MGAM: variants seen among roughly 807,000 people sequenced by gnomAD.
MGAM encodes alpha-1,4-glucosidase.
MGAM carries 253 observed loss-of-function variants against 358.8 expected under a neutral mutation model. The observed-to-expected ratio is 0.71, with a 90% CI of 0.64 to 0.78. The LOEUF is 0.78. Ranked by LOEUF, MGAM falls within the 30% of genes least tolerant of loss-of-function variation. MGAM has a pLI of 0.00. For missense variants in MGAM, 3,080 were observed against 3,432.6 expected, an observed-to-expected ratio of 0.90 and a Z score of 2.57; for synonymous variants, 1,105 against 1,227.1, an observed-to-expected ratio of 0.90 and a Z score of 2.08.
At chr7:142,074,391 C>T (rs1017197899) in intron 45 of MGAM, among the ~76,000 whole-genome samples, 8 of 143,122 alleles carry the variant, frequency 5.6e-5, no homozygotes, top group African/African-American at 1.5e-4. Flanking sequence ...TTCTCCCATT[C>T]GCCAGTGATA....
rs371378447 is a variant in MGAM at position 142,032,033 on chromosome 7, CTTTTTT to C, written c.1584+256_1584+261del. ...AGAATTTTTTTTCCCAAGTCTAGCT[CTTTTTT>C]TTTTTTTTTTTTTTTACGAAGGAAT... is the stretch of plus-strand genomic sequence containing the variant. On this transcript the variant is annotated intron_variant, in intron 13 of 70. Coordinates refer to ENST00000475668, the MANE Select transcript of MGAM (RefSeq NM_001365693.1). 8.2e-5 allele frequency among the ~76,000 whole-genome samples: 10 copies of C among 122,326 alleles called. No individual in the cohort carries two copies. The South Asian group carries it at 2.5e-3, about 30-fold the overall frequency. The allele number at this position is 122,326 out of a possible 152,430, so 80.3% of individuals were successfully genotyped here. A position where few individuals can be genotyped will look rare whatever the true frequency, so the allele number is the denominator to read the frequency against.
At chr7:142,080,413 T>C (rs1415570561) in intron 49 of MGAM, among the ~76,000 whole-genome samples, 1 of 146,564 alleles carries the variant, frequency 6.8e-6, no homozygotes, top group African/African-American at 2.4e-5. Flanking sequence ...TTTAATCAAA[T>C]AGATTTCACT....
rs1340116053 is a variant in MGAM, at chr7:142,059,550, G to C, written c.3898G>C (p.Ala1300Pro). Residue 1300 changes from alanine to proline, a missense_variant, in exon 32 of 71, where the codon GCT becomes CCT. By Grantham distance (27) the Ala-to-Pro change is conservative (BLOSUM62 -1). Coordinates refer to ENST00000475668, the MANE Select transcript of MGAM (RefSeq NM_001365693.1). ...CAGCCCCAAGTTTGCTGGGTTTCCA[G>C]CTCTGATCAATCGCATGAAGGCTGA... Reference protein sequence around the residue: ...TLSPKFAGFPALINRMKADGM... With the variant: ...TLSPKFAGFPPLINRMKADGM... 6.2e-7 allele frequency: 1 copy of C among 1,612,996 alleles called. No homozygotes were observed. The highest frequency in any genetic ancestry group is 8.5e-7 in the Non-Finnish European group (1 of 1,179,184).
chr7:141,992,920 G>A (rs781800055), upstream of MGAM, among the ~76,000 whole-genome samples: 1 of 152,164 alleles, frequency 6.6e-6, no homozygotes, highest in Non-Finnish European at 1.5e-5. Flanking sequence ...ATGCATGCCA[G>A]TTTTCCTTTC....
Position 142,064,491 on chromosome 7 carries a change from T to A in MGAM, c.4453T>A (p.Tyr1485Asn). The A allele has an allele frequency of 6.3e-7, 1 of 1,581,040 alleles. No individual in the cohort carries two copies. Among genetic ancestry groups the A allele is most frequent in the Non-Finnish European group, 8.6e-7 (1 of 1,163,398 alleles). The change falls in exon 37 of 71, where the codon TAT becomes AAT. Residue 1485 changes from tyrosine (Y) to asparagine (N), a missense_variant. By Grantham distance (143) the Tyr-to-Asn change is moderately radical. Around this residue, in one of 5 missense-constraint regions of MGAM, gnomAD observed 1,816 missense variants for 1,840.5 expected, o/e 0.99. Transcript: ENST00000475668. The part of the protein sequence containing the change: ...LVQHYNVHNL[Y>N]GWSQTRPTYE... ...GCAGCACTACAACGTGCACAACCTGTATGGGTGGTCCCAGACCAGACCCAC... is the reference window on the plus strand; with the variant it reads ...GCAGCACTACAACGTGCACAACCTGAATGGGTGGTCCCAGACCAGACCCAC...
chr7:142,014,047 A>G (rs1805791910), intron 3 of MGAM, among the ~76,000 whole-genome samples: 1 of 152,216 alleles, frequency 6.6e-6, no homozygotes, highest in Admixed American at 6.5e-5. Flanking sequence ...CAGTTTTCCA[A>G]CATTGTTCTG....
intron 49 of MGAM, among the ~76,000 whole-genome samples, chr7:142,080,296 C>T (rs1409012023): frequency 6.8e-6 from 1 of 146,230 alleles, no homozygotes; most frequent in African/African-American, 2.4e-5. Context: ...CATAACACTG[C>T]CTTATTGAGC....
chr7:142,058,162 G>A (rs1200985551), intron 30 of MGAM, 41 bp from the exon 31 acceptor site: 2 of 1,612,374 alleles, frequency 1.2e-6, no homozygotes, highest in Non-Finnish European at 8.5e-7. Flanking sequence ...TCAATGTGGT[G>A]CCTCTGTTCT....
chr7:142,096,257 C>T (rs1301737389), intron 64 of MGAM, 74 bp from the exon 65 acceptor site: 2 of 1,355,156 alleles, frequency 1.5e-6, no homozygotes, highest in African/African-American at 2.8e-5. Flanking sequence ...TGGATCTGAA[C>T]TTGAGGAGCT....
chr7:142,050,762 G>A lies in MGAM; in HGVS notation c.2703G>A (p.Glu901=). 1.2e-6 allele frequency: 2 copies of A among 1,613,750 alleles called. No individual in the cohort carries two copies. Among genetic ancestry groups the A allele is most frequent in the South Asian group, 2.2e-5 (2 of 91,074 alleles). Residue 901 remains glutamate, a synonymous_variant, in exon 24 of 71, where the codon GAG becomes GAA. Coordinates refer to ENST00000475668, the MANE Select transcript of MGAM (RefSeq NM_001365693.1). ...ACCCCAATAATTTAGCATTTAATGAGATTAAAATTCTTGGGACGGAGGAAC... is the reference window on the plus strand; with the variant it reads ...ACCCCAATAATTTAGCATTTAATGAAATTAAAATTCTTGGGACGGAGGAAC... ...YKDPNNLAFN[E]IKILGTEEPS...
At chr7:142,028,748 A>G (rs961970951) in intron 10 of MGAM, among the ~76,000 whole-genome samples, 2 of 152,140 alleles carry the variant, frequency 1.3e-5, no homozygotes, top group Non-Finnish European at 2.9e-5. Flanking sequence ...TGGAATTGAG[A>G]TTCAAAAAGC....
Position 142,074,869 on chromosome 7 carries a change from T to G in MGAM, c.5275+696T>G, listed in dbSNP as rs370390914. On this transcript the variant is annotated intron_variant, in intron 45 of 70. Coordinates refer to ENST00000475668, the MANE Select transcript of MGAM (RefSeq NM_001365693.1). Reference sequence around the variant, plus strand: ...GTGGACGATGTGAGGATTTAATATATGTAGGCATAGTATAATGATTACCAC... The same window carrying G: ...GTGGACGATGTGAGGATTTAATATAGGTAGGCATAGTATAATGATTACCAC... Among the ~76,000 whole-genome samples, 15 of 146,736 alleles carry G rather than the reference T, an allele frequency of 1.0e-4. 2 individuals carry two copies. In the South Asian group the frequency reaches 2.6e-3, roughly 26 times the overall value.
chr7:142,060,586 G>A (rs1423370997), intron 34 of MGAM, among the ~76,000 whole-genome samples: 1 of 152,212 alleles, frequency 6.6e-6, no homozygotes, highest in East Asian at 1.9e-4. Flanking sequence ...TATTATCCTT[G>A]GAATTTAAGA....
chr7:142,013,175 T>G (rs1286640344), intron 3 of MGAM, among the ~76,000 whole-genome samples: 4 of 152,022 alleles, frequency 2.6e-5, no homozygotes, highest in African/African-American at 9.7e-5. Flanking sequence ...GTGAAGGCTG[T>G]GGTGACCTGG....
At chr7:142,049,898 A>G (rs1810773336) in intron 22 of MGAM, among the ~76,000 whole-genome samples, 1 of 152,330 alleles carries the variant, frequency 6.6e-6, no homozygotes, top group East Asian at 1.9e-4. Flanking sequence ...ATGTTCCTCA[A>G]AAAATTAACA....
At chr7:142,061,813 G>T (rs1287721471) in intron 34 of MGAM, among the ~76,000 whole-genome samples, 1 of 152,148 alleles carries the variant, frequency 6.6e-6, no homozygotes, top group Admixed American at 6.5e-5. Context: ...TAAACACTGA[G>T]TATGTATTTT....
intron 7 of MGAM, among the ~76,000 whole-genome samples, chr7:142,024,638 T>G (rs1355033249): frequency 6.6e-6 from 1 of 152,012 alleles, no homozygotes; most frequent in Non-Finnish European, 1.5e-5. Flanking sequence ...TGTTCTGGAG[T>G]CTCAAAGACA....
At chr7:141,992,160 C>T (rs1332158402), upstream of MGAM, among the ~76,000 whole-genome samples, 1 of 152,150 alleles carries the variant, frequency 6.6e-6, no homozygotes, top group Non-Finnish European at 1.5e-5. Flanking sequence ...GTAACTGACA[C>T]TTACTGAGTA....
At chr7:142,040,957 C>T (rs193206215) in intron 21 of MGAM, 111 bp downstream of exon 21, 452 of 1,319,122 alleles carry the variant, frequency 3.4e-4, no homozygotes, top group Admixed American at 1.1e-3. Flanking sequence ...GGTTTGGCCA[C>T]GACTGTTGCA....
Sources: gnomAD v4.1 joint callset for allele counts (sites outside exome capture counted in the v4.1 genomes callset) on GRCh38, gnomAD v4.1.1 for gene constraint, gnomAD v4.1.1 regional missense constraint, MANE v1.5 for transcripts, NCBI Gene and HGNC (gene_info 2026-07-23, HGNC 2026-07-21) for gene names.